CMBL: variants seen among roughly 807,000 people sequenced by gnomAD.
CMBL encodes the protein carboxymethylenebutenolidase homolog.
In CMBL, 17 loss-of-function variants were observed where a neutral mutation model predicts 28.7. The observed-to-expected ratio is 0.59, with a 90% CI of 0.41 to 0.89. CMBL has a LOEUF of 0.89. CMBL is among the 40% of genes least tolerant of loss of function. The pLI is 0.00. For missense variants in CMBL, 310 were observed against 298.5 expected, an observed-to-expected ratio of 1.04 and a Z score of -0.28; for synonymous variants, 106 against 101.6, an observed-to-expected ratio of 1.04 and a Z score of -0.26.
chr5:10,296,695 G>A (rs1404064659), intron 1 of CMBL, among the ~76,000 whole-genome samples: 3 of 152,206 alleles, frequency 2.0e-5, no homozygotes, highest in Non-Finnish European at 2.9e-5. Context: ...AGCCTGAGAA[G>A]GAACAGCCAG....
chr5:10,298,538 A>G (rs1007831759), intron 1 of CMBL, among the ~76,000 whole-genome samples: 1 of 152,224 alleles, frequency 6.6e-6, no homozygotes, highest in African/African-American at 2.4e-5. Flanking sequence ...TCATAGATGC[A>G]TCATGATATC....
rs184139890 is a variant in CMBL at position 10,289,065 on chromosome 5, C to T, written c.216-536G>A. ...GGCAGCAGAGCACAAACAAGCCTGG[C>T]CCCAGTCCAGGTCGCTCTTCCATGC... On this transcript the variant is annotated intron_variant, in intron 2 of 5. Transcript: ENST00000296658. This position sits in a 1 kb window ranked among gnomAD's most constrained non-coding sequence, Gnocchi z 4.3. Among the ~76,000 whole-genome samples, 6 of 152,276 alleles carry T rather than the reference C, an allele frequency of 3.9e-5. No homozygotes were observed. The East Asian group carries it at 7.7e-4, about 20-fold the overall frequency.
intron 1 of CMBL, among the ~76,000 whole-genome samples, chr5:10,291,607 G>C (rs1368708991): frequency 6.6e-6 from 1 of 151,546 alleles, no homozygotes; most frequent in Non-Finnish European, 1.5e-5. Context: ...CTTGCAGTGA[G>C]CCGAGATCGC....
At chr5:10,306,449 C>T (rs62362649) in intron 1 of CMBL, among the ~76,000 whole-genome samples, 75,784 of 151,478 alleles carry the variant, frequency 0.5, 20,699 homozygotes, top group Non-Finnish European at 0.63. Flanking sequence ...GGAGGCGCAG[C>T]GGGGAGGAGA....
chr5:10,292,719 G>A (rs1579474388), intron 1 of CMBL, among the ~76,000 whole-genome samples: 2 of 151,810 alleles, frequency 1.3e-5, no homozygotes, highest in African/African-American at 4.8e-5. Flanking sequence ...AGCTACTTGG[G>A]AGGCTAAGGC....
intron 5 of CMBL, among the ~76,000 whole-genome samples, chr5:10,281,611 T>C (rs1746497991): frequency 6.6e-6 from 1 of 152,212 alleles, no homozygotes; most frequent in Non-Finnish European, 1.5e-5. Context: ...ACAGACTTTA[T>C]TGTAATTTGT....
In CMBL at chr5:10,278,819, G is replaced by T. The variant is rs1317689224; in HGVS notation, c.*1634C>A. 2.0e-5 allele frequency among the ~76,000 whole-genome samples: 3 copies of T among 152,034 alleles called. No homozygotes were observed. Among genetic ancestry groups the T allele is most frequent in the African/African-American group, 7.3e-5 (3 of 41,366 alleles). ...GACACAGGTCAGATGAGAGCCACAAGGTCATGTGCCAGGATAAACAAGCTT... is the reference window on the plus strand; with the variant it reads ...GACACAGGTCAGATGAGAGCCACAATGTCATGTGCCAGGATAAACAAGCTT... On this transcript the variant is annotated 3_prime_UTR_variant, in exon 6 of 6. Transcript: ENST00000296658.
chr5:10,288,125 G>A (rs1326035593), intron 3 of CMBL, among the ~76,000 whole-genome samples: 5 of 151,848 alleles, frequency 3.3e-5, no homozygotes, highest in East Asian at 2.0e-4. Context: ...AAAATTAGCC[G>A]GGCTGGTGGC....
intron 5 of CMBL, among the ~76,000 whole-genome samples, chr5:10,281,224 T>A (rs1746493147): frequency 6.6e-6 from 1 of 152,164 alleles, no homozygotes; most frequent in Non-Finnish European, 1.5e-5. Flanking sequence ...AATGACTGCT[T>A]TTTTTTCTTA....
chr5:10,277,818 G>A lies in CMBL; in HGVS notation c.*2635C>T, dbSNP rs1361576576. On this transcript the variant is annotated 3_prime_UTR_variant, in exon 6 of 6. Transcript: ENST00000296658. ...CATTTGACCAAAGGACTCAGCAGAGGGAAGGCTGCCCAGGCCCCAAGCTCA... is the reference window on the plus strand; with the variant it reads ...CATTTGACCAAAGGACTCAGCAGAGAGAAGGCTGCCCAGGCCCCAAGCTCA... 6.6e-6 allele frequency among the ~76,000 whole-genome samples: 1 copy of A among 152,208 alleles called. No individual in the cohort carries two copies. The highest frequency in any genetic ancestry group is 1.5e-5 in the Non-Finnish European group (1 of 68,038).
intron 4 of CMBL, among the ~76,000 whole-genome samples, chr5:10,284,748 T>C (rs981374584): frequency 6.6e-5 from 10 of 152,344 alleles, no homozygotes; most frequent in South Asian, 4.1e-4. Flanking sequence ...GATGGGTTTA[T>C]CAAGACTTAG....
chr5:10,280,698 T>C, intron 5 of CMBL, 66 bp from the exon 6 acceptor site: 3 of 1,352,098 alleles, frequency 2.2e-6, no homozygotes, highest in Non-Finnish European at 3.1e-6. Context: ...AAATCTTTAG[T>C]GAGCGTTCAT....
intron 1 of CMBL, among the ~76,000 whole-genome samples, chr5:10,301,606 G>GTTTTT (rs371796871): frequency 0.056 from 7,420 of 132,066 alleles, 694 homozygotes; most frequent in African/African-American, 0.18. Flanking sequence ...TTCTTTTCGG[G>GTTTTT]TTTTTTTTTT....
Position 10,290,757 on chromosome 5 carries a change from A to G in CMBL, c.6T>C (p.Ala2=), listed in dbSNP as rs1561063579. 1.9e-6 allele frequency: 3 copies of G among 1,614,032 alleles called. No individual in the cohort carries two copies. The highest frequency in any genetic ancestry group is 1.7e-6 in the Non-Finnish European group (2 of 1,179,852). Residue 2 remains alanine, a synonymous_variant, in exon 2 of 6, where the codon GCT becomes GCC. Coordinates refer to ENST00000296658, the MANE Select transcript of CMBL (RefSeq NM_138809.4). M[A]NEAYPCPCDI... ...CACACGGACAAGGATAAGCTTCGTTAGCCATTGCAGAGATTTAAGTCGGGC... is the reference window on the plus strand; with the variant it reads ...CACACGGACAAGGATAAGCTTCGTTGGCCATTGCAGAGATTTAAGTCGGGC...
intron 1 of CMBL, among the ~76,000 whole-genome samples, chr5:10,305,653 C>A (rs1169255171): frequency 6.6e-6 from 1 of 152,106 alleles, no homozygotes; most frequent in Non-Finnish European, 1.5e-5. Context: ...CTCACTGCAA[C>A]CTCTGCCCCA....
chr5:10,286,226 A>G, intron 4 of CMBL, 128 bp downstream of exon 4: 1 of 935,614 alleles, frequency 1.1e-6, no homozygotes, highest in East Asian at 2.5e-5. Context: ...CTTAAAACCC[A>G]TTTCCATAAG....
At chr5:10,301,000 T>C (rs764886524) in intron 1 of CMBL, among the ~76,000 whole-genome samples, 5 of 151,826 alleles carry the variant, frequency 3.3e-5, no homozygotes, top group African/African-American at 1.2e-4. Flanking sequence ...CAACCAAAAA[T>C]ATACATTTTA....
At chr5:10,288,270 A>G (rs892329234) in intron 3 of CMBL, 152 bp downstream of exon 3, 2 of 612,240 alleles carry the variant, frequency 3.3e-6, no homozygotes, top group African/African-American at 3.7e-5. Context: ...AACAAAAAAA[A>G]ATTTTTTCTC....
intron 1 of CMBL, among the ~76,000 whole-genome samples, chr5:10,291,354 T>C (rs1746712512): frequency 6.6e-6 from 1 of 151,532 alleles, no homozygotes; most frequent in Non-Finnish European, 1.5e-5. Context: ...AGATTCTGAG[T>C]GGAAGGGAAA....
Sources: gnomAD v4.1 joint callset for allele counts (sites outside exome capture counted in the v4.1 genomes callset) on GRCh38, gnomAD v4.1.1 for gene constraint, Gnocchi (gnomAD v3.1) non-coding constraint, MANE v1.5 for transcripts, NCBI Gene and HGNC (gene_info 2026-07-23, HGNC 2026-07-21) for gene names.